TEX2: variants seen among roughly 807,000 people sequenced by gnomAD.
The protein encoded by TEX2 is testis-expressed protein 2.
TEX2 carries 53 observed loss-of-function variants against 106.9 expected under a neutral mutation model. That is an observed-to-expected ratio of 0.50 (90% CI 0.40 to 0.62). The LOEUF (loss-of-function observed/expected upper bound fraction) is 0.62. Among genes scored for constraint, TEX2 ranks in the 20% least tolerant of loss-of-function variants. The pLI is 0.00. For missense variants in TEX2, 1,207 were observed against 1,379.0 expected (o/e 0.88, Z 1.98); for synonymous variants, 523 against 534.8 (o/e 0.98, Z 0.30).
Position 64,171,075 on chromosome 17 carries a change from C to T in TEX2, c.2671+25G>A, listed in dbSNP as rs2031370880. The T allele has an allele frequency of 3.8e-6, 6 of 1,579,156 alleles. No homozygotes were observed. In the East Asian group the frequency reaches 8.9e-5, roughly 24 times the overall value. On this transcript the variant is annotated intron_variant, in intron 7 of 11. Transcript: ENST00000584379. ...GCAGCAAAGGATATATTTTAACACT[C>T]ATAGAATGGTCAGTTAGGAGTTACC...
At chr17:64,160,683 T>G in intron 8 of TEX2, 118 bp downstream of exon 8, 1 of 1,309,608 alleles carries the variant, frequency 7.6e-7, no homozygotes, top group Non-Finnish European at 1.1e-6. Context: ...CAGGAGCACT[T>G]ACACAGAAGC....
chr17:64,162,473 C>A (rs888598298), intron 7 of TEX2, among the ~76,000 whole-genome samples: 2 of 152,144 alleles, frequency 1.3e-5, no homozygotes, highest in Non-Finnish European at 2.9e-5. Flanking sequence ...TTTGAAAATT[C>A]TAGTCAAGTT....
intron 5 of TEX2, among the ~76,000 whole-genome samples, chr17:64,178,866 C>T (rs2031723271): frequency 6.6e-6 from 1 of 152,216 alleles, no homozygotes; most frequent in South Asian, 2.1e-4. Flanking sequence ...GTGACTGTGC[C>T]CACATTGAAG....
Position 64,213,305 on chromosome 17 carries a change from G to T in TEX2, c.913C>A (p.Leu305Ile), listed in dbSNP as rs1555631966. Reference sequence around the variant, plus strand: ...CTTTCTTCCCCTATAATTTTACTAAGGAGCTGAAAAGGCTCATAGATGACT... The same window carrying T: ...CTTTCTTCCCCTATAATTTTACTAATGAGCTGAAAAGGCTCATAGATGACT... Reference protein sequence around the residue: ...SEVIYEPFQLLSKIIGEESGS... With the variant: ...SEVIYEPFQLISKIIGEESGS... Residue 305 changes from leucine to isoleucine, a missense_variant, in exon 2 of 12, where the codon CTT becomes ATT. Physicochemically the swap from Leu to Ile is conservative, Grantham distance 5. Transcript: ENST00000584379. This position sits in a 1 kb window ranked among gnomAD's most constrained non-coding sequence, Gnocchi z 4.4. 1 of 1,614,058 alleles carries T rather than the reference G, an allele frequency of 6.2e-7. No individual in the cohort carries two copies. Among genetic ancestry groups the T allele is most frequent in the Non-Finnish European group, 8.5e-7 (1 of 1,180,038 alleles).
chr17:64,235,011 A>C (rs2033737102), intron 1 of TEX2, among the ~76,000 whole-genome samples: 1 of 152,176 alleles, frequency 6.6e-6, no homozygotes, highest in African/African-American at 2.4e-5. Flanking sequence ...TCTTGGAAAA[A>C]AGGGCCATAG....
At chr17:64,229,990 GACTTAACC>G (rs1555634416) in intron 1 of TEX2, among the ~76,000 whole-genome samples, 1 of 152,184 alleles carries the variant, frequency 6.6e-6, no homozygotes, top group East Asian at 1.9e-4. Flanking sequence ...GGCATCAGCA[GACTTAACC>G]TTGATATAGG....
At chr17:64,258,763 CT>C (rs35559246) in intron 1 of TEX2, among the ~76,000 whole-genome samples, 116,437 of 146,708 alleles carry the variant, frequency 0.79, 46,092 homozygotes, top group Middle Eastern at 0.87. Context: ...GGAAGAGAGA[CT>C]TTTTTTTTTT....
At chr17:64,239,107 C>T (rs1555635449) in intron 1 of TEX2, 1 of 152,180 alleles carries the variant, frequency 6.6e-6, no homozygotes, top group Admixed American at 6.5e-5. Flanking sequence ...GGCATAACTA[C>T]TAATAAGGGC....
rs59960456 is a variant in TEX2 at position 64,196,982 on chromosome 17, A to ATTTTTTTTTTTTTT, written c.1645-1901_1645-1888dup. On this transcript the variant is annotated intron_variant, in intron 2 of 11. Coordinates refer to ENST00000584379, the MANE Select transcript of TEX2 (RefSeq NM_001288732.2). ...GAAATCAGGGAATAGTCAAATCAAG[A>ATTTTTTTTTTTTTT]TTTTTTTTTTTTTTTTTTTTTTTTG... is the stretch of plus-strand genomic sequence containing the variant. 1.1e-3 allele frequency among the ~76,000 whole-genome samples: 68 copies of ATTTTTTTTTTTTTT among 63,572 alleles called. 10 individuals carry two copies. Among genetic ancestry groups the ATTTTTTTTTTTTTT allele is most frequent in the Non-Finnish European group, 1.2e-3 (41 of 34,566 alleles). 41.7% of individuals were successfully genotyped at this position (63,572 alleles called of 152,430 possible).
At chr17:64,252,764 G>A (rs782103085) in intron 1 of TEX2, among the ~76,000 whole-genome samples, 16 of 152,022 alleles carry the variant, frequency 1.1e-4, no homozygotes, top group South Asian at 4.2e-4. Flanking sequence ...TATATAACGC[G>A]GAGCAAAATA....
intron 7 of TEX2, among the ~76,000 whole-genome samples, chr17:64,161,973 C>T (rs905513038): frequency 2.6e-5 from 4 of 152,150 alleles, no homozygotes; most frequent in Non-Finnish European, 5.9e-5. Flanking sequence ...CCTACACGGC[C>T]ACCACCTCAG....
rs530588244 is a variant in TEX2, at chr17:64,225,244, G to A, written c.-25-11002C>T. ...AGGCGGGAGGAATGCTTGAGTCCAG[G>A]GGTTCGAGACCAGCCTGGACAATAC... is the stretch of plus-strand genomic sequence containing the variant. On this transcript the variant is annotated intron_variant, in intron 1 of 11. Coordinates refer to ENST00000584379, the MANE Select transcript of TEX2 (RefSeq NM_001288732.2). Among the ~76,000 whole-genome samples, 6 of 152,154 alleles carry A rather than the reference G, an allele frequency of 3.9e-5. No homozygotes were observed. In the East Asian group the frequency reaches 1.2e-3, roughly 29 times the overall value.
Position 64,165,266 on chromosome 17 carries a change from C to T in TEX2, c.2672-4333G>A, listed in dbSNP as rs1261841314. The stretch of plus-strand genomic sequence containing the variant: ...TCATTCAGATACTACAGAAAATTAG[C>T]AATTCCTTGTGTGTGGATGTGTCTT... On this transcript the variant is annotated intron_variant, in intron 7 of 11. Coordinates refer to ENST00000584379, the MANE Select transcript of TEX2 (RefSeq NM_001288732.2). 2.0e-5 allele frequency among the ~76,000 whole-genome samples: 3 copies of T among 152,178 alleles called. 1 individual carries two copies. Among genetic ancestry groups the T allele is most frequent in the Non-Finnish European group, 2.9e-5 (2 of 68,036 alleles).
intron 1 of TEX2, among the ~76,000 whole-genome samples, chr17:64,229,904 C>CA (rs1174345162): frequency 6.6e-6 from 1 of 152,130 alleles, no homozygotes; most frequent in African/African-American, 2.4e-5. Flanking sequence ...ATTAATTCTT[C>CA]AAAAACTGAA....
At chr17:64,258,256 G>A (rs1314187972) in intron 1 of TEX2, among the ~76,000 whole-genome samples, 1 of 152,066 alleles carries the variant, frequency 6.6e-6, no homozygotes, top group Non-Finnish European at 1.5e-5. Flanking sequence ...CTCTTACCGT[G>A]TCTAATTTAT....
At chr17:64,242,430 A>G (rs2033904892) in intron 1 of TEX2, 1 of 152,202 alleles carries the variant, frequency 6.6e-6, no homozygotes. Flanking sequence ...AGTTGCTGTA[A>G]CAAAGAAAAG....
intron 2 of TEX2, among the ~76,000 whole-genome samples, chr17:64,209,859 G>A (rs1047731243): frequency 5.3e-5 from 8 of 152,180 alleles, no homozygotes; most frequent in African/African-American, 1.9e-4. Flanking sequence ...CCAGTGATCA[G>A]ATCAAAGCAA....
At chr17:64,222,662 C>A (rs2033392616) in intron 1 of TEX2, among the ~76,000 whole-genome samples, 1 of 151,992 alleles carries the variant, frequency 6.6e-6, no homozygotes, top group Admixed American at 6.6e-5. Context: ...TAAAAGATTT[C>A]ACTCTTCAAA....
At chr17:64,190,919 C>T (rs767899916) in intron 4 of TEX2, among the ~76,000 whole-genome samples, 49 of 152,188 alleles carry the variant, frequency 3.2e-4, no homozygotes, top group Non-Finnish European at 1.3e-4. Flanking sequence ...GGTCGTCGAG[C>T]AGGAAGACTT....
Sources: allele counts gnomAD v4.1 joint callset (sites outside exome capture counted in the v4.1 genomes callset), GRCh38; gene constraint gnomAD v4.1.1; non-coding constraint Gnocchi (gnomAD v3.1); transcripts MANE v1.5; gene names NCBI Gene and HGNC (gene_info 2026-07-23, HGNC 2026-07-21).